Variants in WWOX observed in about 807,000 individuals in gnomAD.
WWOX encodes the protein WW domain-containing oxidoreductase.
WWOX carries 69 observed loss-of-function variants against 46.2 expected under a neutral mutation model. The observed-to-expected ratio is 1.49, with a 90% CI of 1.23 to 1.82. WWOX has a LOEUF of 1.82. Ranked by LOEUF, WWOX falls within the 40% of genes most tolerant of loss-of-function variation. WWOX has a pLI of 0.00. For missense variants in WWOX, 919 were observed against 542.6 expected (o/e 1.69, Z -6.89); for synonymous variants, 359 against 202.6 (o/e 1.77, Z -6.56).
chr16:78,810,352 G>A (rs1048632523), intron 8 of WWOX, among the ~76,000 whole-genome samples: 8 of 152,054 alleles, frequency 5.3e-5, no homozygotes, highest in Non-Finnish European at 8.8e-5. Context: ...ATGATCAGCC[G>A]GTATATTTAT....
chr16:79,003,064 C>G (rs766058525), intron 8 of WWOX, among the ~76,000 whole-genome samples: 1 of 152,186 alleles, frequency 6.6e-6, no homozygotes, highest in Non-Finnish European at 1.5e-5. Context: ...AGGAGCAAGA[C>G]AATTCAGACC....
intron 5 of WWOX, among the ~76,000 whole-genome samples, chr16:78,366,552 A>G (rs1014997032): frequency 2.0e-5 from 3 of 152,202 alleles, no homozygotes; most frequent in Non-Finnish European, 4.4e-5. Context: ...ATAGTGGTCA[A>G]CTAACTGTGC....
At chr16:79,113,115 A>G (rs538191775) in intron 8 of WWOX, among the ~76,000 whole-genome samples, 1 of 152,292 alleles carries the variant, frequency 6.6e-6, no homozygotes, top group East Asian at 1.9e-4. Flanking sequence ...TCAGAAAAAC[A>G]TATGTGTGTG....
At chr16:78,468,267 T>C (rs1359995057) in intron 8 of WWOX, among the ~76,000 whole-genome samples, 1 of 141,774 alleles carries the variant, frequency 7.1e-6, no homozygotes, top group East Asian at 1.9e-4. Flanking sequence ...TGCCTTTCTT[T>C]TTTTTTTTTT....
At position 78,204,709 on chromosome 16, in the gene WWOX, G is replaced by C. The variant is rs551470961; in HGVS notation, c.516+40420G>C. 5.3e-5 allele frequency among the ~76,000 whole-genome samples: 8 copies of C among 152,318 alleles called. No homozygotes were observed. The South Asian group carries it at 1.7e-3, about 32-fold the overall frequency. ...TGCATCATGGGACTGCACAATCGGA[G>C]AGGCAGGAAGGCCCTGAGAAATACC... On this transcript the variant is annotated intron_variant, in intron 5 of 8. Coordinates refer to ENST00000566780, the MANE Select transcript of WWOX (RefSeq NM_016373.4).
At chr16:78,786,001 G>C (rs1179688879) in intron 8 of WWOX, among the ~76,000 whole-genome samples, 1 of 152,172 alleles carries the variant, frequency 6.6e-6, no homozygotes, top group Non-Finnish European at 1.5e-5. Flanking sequence ...CCGCCTCCTG[G>C]GTTCAAGCGA....
In WWOX at chr16:78,432,626, C is replaced by T; in HGVS notation, c.930C>T (p.Arg310=). 6.2e-7 allele frequency: 1 copy of T among 1,614,246 alleles called. No homozygotes were observed. Among genetic ancestry groups the T allele is most frequent in the Non-Finnish European group, 8.5e-7 (1 of 1,180,056 alleles). ...NILFSNELHR[R]LSPRGVTSNA... ...TCTTCTCCAACGAGCTGCACCGTCG[C>T]CTCTCCCCACGCGGGGTCACGTCGA... The change falls in exon 8 of 9, where the codon CGC becomes CGT. Residue 310 remains arginine (R), a synonymous_variant. Transcript: ENST00000566780.
chr16:78,720,730 C>T (rs933822802), intron 8 of WWOX, among the ~76,000 whole-genome samples: 17 of 152,034 alleles, frequency 1.1e-4, no homozygotes, highest in Admixed American at 3.9e-4. Context: ...AAATTTCCAC[C>T]GGTCTCTGCT....
chr16:79,041,630 A>G (rs1268273345), intron 8 of WWOX, among the ~76,000 whole-genome samples: 1 of 152,182 alleles, frequency 6.6e-6, no homozygotes, highest in Non-Finnish European at 1.5e-5. Flanking sequence ...GACTGGGGTC[A>G]GTAGCAGGCC....
chr16:78,583,632 A>G (rs957513487), intron 8 of WWOX, among the ~76,000 whole-genome samples: 1 of 152,144 alleles, frequency 6.6e-6, no homozygotes, highest in African/African-American at 2.4e-5. Flanking sequence ...GTGATAACAT[A>G]ATGATAATGC....
At chr16:78,622,398 C>G (rs943598494) in intron 8 of WWOX, among the ~76,000 whole-genome samples, 1 of 152,040 alleles carries the variant, frequency 6.6e-6, no homozygotes, top group Non-Finnish European at 1.5e-5. Flanking sequence ...CAAAATTAGT[C>G]AGGCGTGGTA....
chr16:78,876,985 TGTTAA>T (rs1244913036), intron 8 of WWOX, among the ~76,000 whole-genome samples: 1 of 152,232 alleles, frequency 6.6e-6, no homozygotes, highest in Non-Finnish European at 1.5e-5. Context: ...TTACTTTGCC[TGTTAA>T]GTTAACTGGT....
chr16:78,872,861 G>A (rs186292986), intron 8 of WWOX: 1 of 152,282 alleles, frequency 6.6e-6, no homozygotes, highest in South Asian at 2.1e-4. Flanking sequence ...GTAGTGGTGT[G>A]ATCTCAGCTC....
rs147864055 is a variant in WWOX, at chr16:78,935,561, A to G, written c.1057-276047A>G. Among the ~76,000 whole-genome samples, 19 of 147,622 alleles carry G rather than the reference A, an allele frequency of 1.3e-4. No individual in the cohort carries two copies. In the East Asian group the frequency reaches 4.0e-3, roughly 31 times the overall value. ...AATAGGTGGGAATTGAACAATGAGA[A>G]CACTTGGACACAGGAAGGGGAACAT... On this transcript the variant is annotated intron_variant, in intron 8 of 8. Coordinates refer to ENST00000566780, the MANE Select transcript of WWOX (RefSeq NM_016373.4).
At chr16:78,536,190 T>G (rs1319423327) in intron 8 of WWOX, among the ~76,000 whole-genome samples, 2 of 152,090 alleles carry the variant, frequency 1.3e-5, no homozygotes, top group Admixed American at 1.3e-4. Context: ...TACACATGCA[T>G]GGGTGTAATT....
intron 5 of WWOX, among the ~76,000 whole-genome samples, chr16:78,297,367 T>G (rs1179529244): frequency 6.6e-6 from 1 of 152,184 alleles, no homozygotes; most frequent in Non-Finnish European, 1.5e-5. Context: ...TATGGCATCA[T>G]GTAGGGAGCC....
chr16:78,972,689 C>T (rs1400006049), intron 8 of WWOX, among the ~76,000 whole-genome samples: 3 of 152,214 alleles, frequency 2.0e-5, no homozygotes, highest in Non-Finnish European at 4.4e-5. Context: ...CCTTCCAGCT[C>T]AGCTGCCTTC....
intron 8 of WWOX, among the ~76,000 whole-genome samples, chr16:78,714,220 G>C (rs1008172318): frequency 6.6e-6 from 1 of 152,154 alleles, no homozygotes; most frequent in African/African-American, 2.4e-5. Flanking sequence ...AGACATACCT[G>C]AGATGGGGTA....
chr16:78,972,609 T>C (rs923415093), intron 8 of WWOX, among the ~76,000 whole-genome samples: 1 of 152,082 alleles, frequency 6.6e-6, no homozygotes, highest in Non-Finnish European at 1.5e-5. Flanking sequence ...ATGGCACATG[T>C]CATAAAGTAC....
Sources: gnomAD v4.1 joint callset for allele counts (sites outside exome capture counted in the v4.1 genomes callset) on GRCh38, gnomAD v4.1.1 for gene constraint, MANE v1.5 for transcripts, NCBI Gene and HGNC (gene_info 2026-07-23, HGNC 2026-07-21) for gene names.